Variants in SLC8A1 observed in about 807,000 individuals in gnomAD.
SLC8A1 encodes sodium/calcium exchanger 1.
Under a neutral mutation model 68.3 loss-of-function variants are expected in SLC8A1, and 18 were observed. That is an observed-to-expected ratio of 0.26 (90% confidence interval 0.18 to 0.39). SLC8A1 has a LOEUF of 0.39. Among genes scored for constraint, SLC8A1 ranks in the 10% least tolerant of loss-of-function variants. SLC8A1 has a pLI of 1.00. For missense variants in SLC8A1, 985 were observed against 1,156.7 expected (o/e 0.85, Z 2.15); for synonymous variants, 475 against 415.5 (o/e 1.14, Z -1.74).
At chr2:40,104,778 T>A (rs2034095696) in exon 8 of SLC8A1, 1 of 152,202 alleles carries the variant, frequency 6.6e-6, no homozygotes, top group African/African-American at 2.4e-5. Flanking sequence ...CTCTAACTTT[T>A]GATTTTAAAA....
intron 2 of SLC8A1, chr2:40,251,656 C>T (rs2062771610): frequency 6.6e-6 from 1 of 152,132 alleles, no homozygotes. Context: ...CATTGAGACG[C>T]TCAACTTGTT....
chr2:40,257,276 A>G (rs757810757), intron 2 of SLC8A1, among the ~76,000 whole-genome samples: 3 of 152,168 alleles, frequency 2.0e-5, no homozygotes, highest in Non-Finnish European at 4.4e-5. Flanking sequence ...GTGCCTTCCT[A>G]ACACGCAAGC....
At chr2:40,222,523 A>C (rs939519777) in intron 2 of SLC8A1, among the ~76,000 whole-genome samples, 1 of 152,238 alleles carries the variant, frequency 6.6e-6, no homozygotes, top group Admixed American at 6.5e-5. Flanking sequence ...AAAATTGACA[A>C]ATGGGATCTG....
Position 40,180,669 on chromosome 2 carries a change from G to A in SLC8A1, c.1809-2814C>T, listed in dbSNP as rs541730167. Among the ~76,000 whole-genome samples the A allele has an allele frequency of 2.1e-3, 317 of 152,254 alleles. 2 individuals are homozygous for A. Among genetic ancestry groups the A allele is most frequent in the African/African-American group, 7.5e-3 (310 of 41,556 alleles). The stretch of plus-strand genomic sequence containing the variant: ...TGAAACCCCTCATTGTGAGAGTCAC[G>A]TTGCAATATTCTTGTTAGCATTACT... On this transcript the variant is annotated intron_variant, in intron 2 of 7. Transcript: ENST00000406785.
chr2:40,429,086 C>T, exon 2 of SLC8A1: 1 of 1,613,054 alleles, frequency 6.2e-7, no homozygotes, highest in Non-Finnish European at 8.5e-7. Flanking sequence ...TCAGTCACTT[C>T]AGTGTTGACC....
At chr2:40,303,189 A>T (rs1047360117) in intron 2 of SLC8A1, among the ~76,000 whole-genome samples, 2 of 152,214 alleles carry the variant, frequency 1.3e-5, no homozygotes, top group Non-Finnish European at 2.9e-5. Context: ...CATTCAATTT[A>T]AAAACCTTGA....
At chr2:40,492,222 T>C (rs540076172) in intron 1 of SLC8A1, among the ~76,000 whole-genome samples, 6 of 152,120 alleles carry the variant, frequency 3.9e-5, no homozygotes, top group Admixed American at 2.0e-4. Flanking sequence ...TTGACAAACC[T>C]GAGAAAAACA....
intron 1 of SLC8A1, among the ~76,000 whole-genome samples, chr2:40,468,079 T>C (rs1331219643): frequency 6.6e-6 from 1 of 152,132 alleles, no homozygotes; most frequent in Non-Finnish European, 1.5e-5. Flanking sequence ...TGTTTAATCT[T>C]TTGGTTTCAA....
At chr2:40,258,793 C>T (rs2064292047) in intron 2 of SLC8A1, among the ~76,000 whole-genome samples, 1 of 151,836 alleles carries the variant, frequency 6.6e-6, no homozygotes, top group South Asian at 2.1e-4. Flanking sequence ...AGTGAGGCAA[C>T]ATTGCGCCAC....
At chr2:40,315,663 G>A (rs1161580718) in intron 2 of SLC8A1, among the ~76,000 whole-genome samples, 1 of 151,920 alleles carries the variant, frequency 6.6e-6, no homozygotes, top group Non-Finnish European at 1.5e-5. Flanking sequence ...GCTCTTTAAT[G>A]TCACTGTCTT....
intron 2 of SLC8A1, among the ~76,000 whole-genome samples, chr2:40,387,878 A>C (rs1684065677): frequency 6.7e-6 from 1 of 148,178 alleles, no homozygotes; most frequent in African/African-American, 2.5e-5. Context: ...TGGAGGCTGC[A>C]GTGAGCCGAA....
intron 2 of SLC8A1, among the ~76,000 whole-genome samples, chr2:40,239,871 G>A (rs1242720110): frequency 1.3e-5 from 2 of 152,090 alleles, no homozygotes; most frequent in East Asian, 3.9e-4. Flanking sequence ...TATGTTGATT[G>A]CATGTAGATT....
chr2:40,497,040 A>C (rs1397885602), intron 1 of SLC8A1, among the ~76,000 whole-genome samples: 1 of 151,708 alleles, frequency 6.6e-6, no homozygotes, highest in Non-Finnish European at 1.5e-5. Context: ...TAACCTGCAC[A>C]ATGTGCACAT....
exon 8 of SLC8A1, chr2:40,099,728 T>C (rs548148203): frequency 1.3e-5 from 2 of 152,188 alleles, no homozygotes; most frequent in East Asian, 3.9e-4. Flanking sequence ...TTGACTATTG[T>C]GCTTGCTCGG....
intron 1 of SLC8A1, among the ~76,000 whole-genome samples, chr2:40,450,878 G>GT (rs571629978): frequency 1.2e-3 from 175 of 151,934 alleles, no homozygotes; most frequent in African/African-American, 4.2e-3. Context: ...CATCACCCCT[G>GT]TTCTCAACTC....
At chr2:40,407,694 A>T (rs9789765) in intron 2 of SLC8A1, among the ~76,000 whole-genome samples, 14,697 of 152,218 alleles carry the variant, frequency 0.097, 1,105 homozygotes, top group East Asian at 0.38. Context: ...CCAAAAAGAC[A>T]TCCTCTATCT....
chr2:40,346,189 A>G (rs190630052), intron 2 of SLC8A1, among the ~76,000 whole-genome samples: 2 of 152,046 alleles, frequency 1.3e-5, no homozygotes, highest in East Asian at 3.9e-4. Context: ...CTGGCTGTAC[A>G]TCTCTATATT....
At chr2:40,384,055 G>A (rs1575920835) in intron 2 of SLC8A1, among the ~76,000 whole-genome samples, 1 of 151,048 alleles carries the variant, frequency 6.6e-6, no homozygotes, top group African/African-American at 2.4e-5. Context: ...GAGGCCAGGA[G>A]TTTTACACCA....
At chr2:40,235,651 G>C (rs2060265035) in intron 2 of SLC8A1, among the ~76,000 whole-genome samples, 1 of 151,918 alleles carries the variant, frequency 6.6e-6, no homozygotes, top group African/African-American at 2.4e-5. Flanking sequence ...GCTTTTGAAT[G>C]TGTTTGCTCT....
Sources: gnomAD v4.1 joint callset for allele counts (sites outside exome capture counted in the v4.1 genomes callset) on GRCh38, gnomAD v4.1.1 for gene constraint, MANE v1.5 for transcripts, NCBI Gene and HGNC (gene_info 2026-07-23, HGNC 2026-07-21) for gene names.